The following CABIN1 variants were observed in gnomAD, a reference collection of about 807,000 sequenced individuals.
CABIN1 encodes calcineurin binding protein 1, also known as calcineurin-binding protein cabin-1.
Under a neutral mutation model 227.7 loss-of-function variants are expected in CABIN1, and 133 were observed. The ratio of observed to expected loss-of-function variants is 0.58; its 90% CI spans 0.51 to 0.67. The LOEUF is 0.67. Ranked by LOEUF, CABIN1 falls within the 30% of genes least tolerant of loss-of-function variation. The pLI is 0.00. For missense variants in CABIN1, 2,408 were observed against 2,852.5 expected, an observed-to-expected ratio of 0.84 and a Z score of 3.55; for synonymous variants, 1,086 against 1,155.1, an observed-to-expected ratio of 0.94 and a Z score of 1.21.
chr22:24,062,363 TTTTTTTTTTG>T (rs2039257460), intron 13 of CABIN1, among the ~76,000 whole-genome samples: 1 of 135,240 alleles, frequency 7.4e-6, no homozygotes, highest in African/African-American at 2.7e-5. Flanking sequence ...TTTTTTTTTT[TTTTTTTTTTG>T]GTAAGACAGC....
In CABIN1 at chr22:24,071,123, C is replaced by A. The variant is rs1371505676; in HGVS notation, c.2475+81C>A. 3.8e-6 allele frequency: 6 copies of A among 1,584,388 alleles called. No homozygotes were observed. The Admixed American group carries it at 8.4e-5, about 22-fold the overall frequency. On this transcript the variant is annotated intron_variant, in intron 17 of 36. Coordinates refer to ENST00000263119, the MANE Select transcript of CABIN1 (RefSeq NM_012295.4). The stretch of plus-strand genomic sequence containing the variant: ...ATCCTGCTTCTTCAGTAGTTCATAG[C>A]TTTCATTGCTAATTAGGCACCCAAA...
In CABIN1 at chr22:24,043,019, A is replaced by T; in HGVS notation, c.461A>T (p.Asn154Ile). The T allele has an allele frequency of 6.2e-7, 1 of 1,613,990 alleles. No individual in the cohort carries two copies. Among genetic ancestry groups the T allele is most frequent in the South Asian group, 1.1e-5 (1 of 91,062 alleles). The change falls in exon 6 of 37, where the codon AAT becomes ATT. Residue 154 changes from asparagine to isoleucine, a missense_variant. Asn to Ile is a moderately radical substitution (Grantham distance 149, BLOSUM62 -3). This residue lies in a region of CABIN1 where 1,045 missense variants were observed against 1,168.4 expected (regional missense o/e 0.89). Transcript: ENST00000263119. ...GCTTTTGAGGAAGGGCTGCGGTGCA[A>T]TCCTGACCACTGGCCCTGTTTGGAT... ...RHAFEEGLRC[N>I]PDHWPCLDNL...
chr22:24,027,670 G>C (rs2036191822), intron 1 of CABIN1, among the ~76,000 whole-genome samples: 1 of 152,238 alleles, frequency 6.6e-6, no homozygotes, highest in Admixed American at 6.5e-5. Flanking sequence ...TTATTGCAAG[G>C]ATGGGCTTGT....
chr22:24,060,447 G>A (rs181433090), intron 12 of CABIN1, among the ~76,000 whole-genome samples: 113 of 152,202 alleles, frequency 7.4e-4, no homozygotes, highest in African/African-American at 2.7e-3. Flanking sequence ...CTGGTTTGTG[G>A]TTGCAGAGCT....
chr22:24,072,249 G>A, intron 17 of CABIN1, 105 bp from the exon 18 acceptor site: 1 of 1,186,102 alleles, frequency 8.4e-7, no homozygotes, highest in Admixed American at 1.9e-5. Flanking sequence ...GGGGTGGGCA[G>A]GCAGCACATA....
At chr22:24,048,941 A>G (rs1208064330) in intron 6 of CABIN1, 150 bp from the exon 7 acceptor site, 4 of 901,942 alleles carry the variant, frequency 4.4e-6, no homozygotes, top group Non-Finnish European at 5.3e-6. Flanking sequence ...TCTTATTACT[A>G]ACCTGACTGA....
intron 10 of CABIN1, 96 bp downstream of exon 10, chr22:24,056,456 T>C: frequency 8.3e-7 from 1 of 1,204,886 alleles, no homozygotes; most frequent in South Asian, 1.2e-5. Flanking sequence ...CCCTCTTCTC[T>C]GGTCTCCTCC....
chr22:24,091,481 T>G, intron 23 of CABIN1, 102 bp from the exon 24 acceptor site: 1 of 1,415,850 alleles, frequency 7.1e-7, no homozygotes, highest in Non-Finnish European at 1.0e-6. Flanking sequence ...TTAAGAGGAG[T>G]ATAAACTTGC....
At chr22:24,173,160 C>T (rs756737278) in intron 34 of CABIN1, 1 of 152,200 alleles carries the variant, frequency 6.6e-6, no homozygotes, top group Non-Finnish European at 1.5e-5. Flanking sequence ...CAGCCTGTGT[C>T]ACCCCTGGAG....
intron 12 of CABIN1, 114 bp from the exon 13 acceptor site, chr22:24,061,833 G>T (rs546490441): frequency 5.2e-6 from 4 of 775,286 alleles, no homozygotes; most frequent in East Asian, 2.7e-5. Flanking sequence ...TGGATAGAAA[G>T]AATTATATTT....
In CABIN1 at chr22:24,086,136, T is replaced by C. The variant is rs970237955; in HGVS notation, c.3263+985T>C. Among the ~76,000 whole-genome samples the C allele has an allele frequency of 3.3e-5, 5 of 152,338 alleles. 1 individual carries two copies. The highest frequency in any genetic ancestry group is 6.5e-5 in the Admixed American group (1 of 15,312). ...GTGGTTTCTTCCAGTCAGGGAGCCA[T>C]GTGGCAGAGCCCTGGCCGTCCTCTT... On this transcript the variant is annotated intron_variant, in intron 22 of 36. Transcript: ENST00000263119.
chr22:24,139,008 A>AT (rs1215522427), intron 29 of CABIN1, among the ~76,000 whole-genome samples: 1 of 152,136 alleles, frequency 6.6e-6, no homozygotes, highest in Non-Finnish European at 1.5e-5. Flanking sequence ...AAAAAGAGAG[A>AT]TTCTCTTTAC....
At position 24,141,124 on chromosome 22, in the gene CABIN1, A is replaced by AG. The variant is rs1312543215; in HGVS notation, c.4746+6711dup. Among the ~76,000 whole-genome samples the AG allele has an allele frequency of 1.1e-4, 17 of 152,358 alleles. No homozygotes were observed. The South Asian group carries it at 2.5e-3, about 22-fold the overall frequency. On this transcript the variant is annotated intron_variant, in intron 29 of 36. Transcript: ENST00000263119. ...TCTGTGGATCCTAGAGGCCAGTGCT[A>AG]GGATGTGACTGAAGCACGGAGCAGG...
At position 24,119,712 on chromosome 22, in the gene CABIN1, G is replaced by A. The variant is rs201125500; in HGVS notation, c.4632+14G>A. 1.6e-5 allele frequency: 25 copies of A among 1,610,896 alleles called. No homozygotes were observed. In the African/African-American group the frequency reaches 1.6e-4, roughly 10 times the overall value. On this transcript the variant is annotated intron_variant, in intron 28 of 36. Coordinates refer to ENST00000263119, the MANE Select transcript of CABIN1 (RefSeq NM_012295.4). ...AAGACCCACCGGGTGAGTGGCTGCC[G>A]GGCCAAGGGGGCTTGGATCTTCCCA...
rs369362336 is a variant in CABIN1, at chr22:24,166,785, G to A, written c.5154G>A (p.Gly1718=). 5.0e-6 allele frequency: 8 copies of A among 1,612,808 alleles called. No homozygotes were observed. Among genetic ancestry groups the A allele is most frequent in the African/African-American group, 4.0e-5 (3 of 74,938 alleles). Residue 1718 remains glycine (G), a synonymous_variant, in exon 32 of 37, where the codon GGG becomes GGA. Coordinates refer to ENST00000263119, the MANE Select transcript of CABIN1 (RefSeq NM_012295.4). The stretch of plus-strand genomic sequence containing the variant: ...CTCTGGCTGATGGCTCAGGGCCAGG[G>A]CCCGAGCCAGGAGGCAAAGTGGGCC... ...KPPLADGSGP[G]PEPGGKVGLL... is the part of the protein sequence containing the mutation.
At chr22:24,054,852 G>A in intron 8 of CABIN1, 21 bp from the exon 9 acceptor site, 1 of 1,614,178 alleles carries the variant, frequency 6.2e-7, no homozygotes, top group South Asian at 1.1e-5. Flanking sequence ...GTGATCAGGT[G>A]TTGTGGCCCT....
intron 1 of CABIN1, among the ~76,000 whole-genome samples, chr22:24,019,650 CTTTTTTTTTTTT>C (rs34361694): frequency 6.9e-5 from 6 of 87,034 alleles, no homozygotes; most frequent in Admixed American, 1.3e-4. Flanking sequence ...TTTCTTTACC[CTTTTTTTTTTTT>C]TTTTTTTTTT....
intron 29 of CABIN1, chr22:24,160,513 G>C (rs2046089119): frequency 6.6e-6 from 1 of 152,348 alleles, no homozygotes; most frequent in Non-Finnish European, 1.5e-5. Context: ...TGACCCAGCA[G>C]CCAGCAGTGG....
At chr22:24,069,155 T>A (rs1365720574) in intron 16 of CABIN1, among the ~76,000 whole-genome samples, 1 of 152,270 alleles carries the variant, frequency 6.6e-6, no homozygotes, top group East Asian at 1.9e-4. Flanking sequence ...CCTATTATGT[T>A]CTTCAGTCTA....
Sources: allele counts gnomAD v4.1 joint callset (sites outside exome capture counted in the v4.1 genomes callset), GRCh38; gene constraint gnomAD v4.1.1; regional missense constraint gnomAD v4.1.1; transcripts MANE v1.5; gene names NCBI Gene and HGNC (gene_info 2026-07-23, HGNC 2026-07-21).